The following AFAP1 variants were observed in gnomAD, a reference collection of about 807,000 sequenced individuals.
AFAP1 encodes actin filament-associated protein 1.
In AFAP1, 75 loss-of-function variants were observed where a neutral mutation model predicts 93.9. The ratio of observed to expected loss-of-function variants is 0.80; its 90% CI spans 0.66 to 0.97. The LOEUF is 0.97. Among genes scored for constraint, AFAP1 ranks in the 50% least tolerant of loss-of-function variants. The pLI is 0.00. For synonymous variants in AFAP1, 517 were observed against 430.7 expected (o/e 1.20, Z -2.48); for missense variants, 1,201 against 1,050.8 (o/e 1.14, Z -1.98).
intron 16 of AFAP1, 21 bp downstream of exon 16, chr4:7,772,799 G>A (rs755195094): frequency 1.9e-6 from 3 of 1,608,670 alleles, no homozygotes; most frequent in Admixed American, 1.7e-5. Context: ...AGCCTCCGAG[G>A]TGAGCCAGAA....
At chr4:7,850,341 C>A (rs1714293358) in intron 4 of AFAP1, among the ~76,000 whole-genome samples, 2 of 152,164 alleles carry the variant, frequency 1.3e-5, no homozygotes, top group South Asian at 4.1e-4. Context: ...TCTCCAAACA[C>A]CAGCAGCATT....
chr4:7,778,340 T>TCCAACCGCA, intron 14 of AFAP1: 1 of 267,274 alleles, frequency 3.7e-6, no homozygotes, highest in Non-Finnish European at 7.3e-6. Context: ...CCTCAGCTAT[T>TCCAACCGCA]CCAACCGCAC....
At chr4:7,783,811 G>A (rs929612349) in intron 12 of AFAP1, among the ~76,000 whole-genome samples, 13 of 152,238 alleles carry the variant, frequency 8.5e-5, no homozygotes, top group South Asian at 2.1e-4. Flanking sequence ...TCACAGGTTC[G>A]TGTGTAAGGC....
intron 11 of AFAP1, among the ~76,000 whole-genome samples, chr4:7,793,451 T>G (rs916188837): frequency 6.6e-6 from 1 of 152,202 alleles, no homozygotes; most frequent in African/African-American, 2.4e-5. Context: ...CCAAAAATAT[T>G]TACTATCTAA....
chr4:7,870,644 G>A (rs1716941622), intron 2 of AFAP1, among the ~76,000 whole-genome samples: 1 of 152,044 alleles, frequency 6.6e-6, no homozygotes, highest in Non-Finnish European at 1.5e-5. Flanking sequence ...GTGACACAGT[G>A]AGACCCTGTC....
At chr4:7,766,153 C>T (rs1486746620) in intron 17 of AFAP1, among the ~76,000 whole-genome samples, 2 of 152,226 alleles carry the variant, frequency 1.3e-5, no homozygotes, top group South Asian at 2.1e-4. Flanking sequence ...ATGCCGACAA[C>T]ACTATGCTGA....
chr4:7,793,881 C>T, intron 10 of AFAP1, 55 bp from the exon 11 acceptor site: 1 of 1,437,676 alleles, frequency 7.0e-7, no homozygotes, highest in Non-Finnish European at 9.3e-7. Flanking sequence ...TTTACATTTT[C>T]ATAAATGTGT....
At chr4:7,778,036 G>A (rs1716331626) in intron 14 of AFAP1, 1 of 153,172 alleles carries the variant, frequency 6.5e-6, no homozygotes, top group African/African-American at 2.4e-5. Flanking sequence ...AGTGTCTCAT[G>A]TCTTAATGCT....
At chr4:7,845,661 C>T (rs186663362) in intron 4 of AFAP1, among the ~76,000 whole-genome samples, 5 of 152,170 alleles carry the variant, frequency 3.3e-5, no homozygotes, top group Admixed American at 6.5e-5. Context: ...CATCACCCTC[C>T]GCCCACAGGT....
At chr4:7,877,752 C>A (rs931482951) in intron 1 of AFAP1, among the ~76,000 whole-genome samples, 1 of 152,164 alleles carries the variant, frequency 6.6e-6, no homozygotes, top group Non-Finnish European at 1.5e-5. Context: ...AGACGTTATA[C>A]CCATTTTGTA....
chr4:7,860,664 G>A (rs1229110783), intron 3 of AFAP1, among the ~76,000 whole-genome samples: 1 of 152,156 alleles, frequency 6.6e-6, no homozygotes, highest in African/African-American at 2.4e-5. Context: ...AGTGGGCACG[G>A]CCTGCTGACC....
intron 6 of AFAP1, among the ~76,000 whole-genome samples, chr4:7,819,545 A>G (rs1395703262): frequency 6.6e-6 from 1 of 152,182 alleles, no homozygotes; most frequent in Non-Finnish European, 1.5e-5. Context: ...ACTTTAGATC[A>G]AGAGACCAGG....
At chr4:7,934,567 C>T (rs1015164376) in intron 1 of AFAP1, among the ~76,000 whole-genome samples, 1 of 151,738 alleles carries the variant, frequency 6.6e-6, no homozygotes, top group African/African-American at 2.4e-5. Context: ...TCTGGGATAT[C>T]AGGGGCACTC....
At chr4:7,873,124 T>A (rs1385290636) in intron 1 of AFAP1, among the ~76,000 whole-genome samples, 3 of 147,650 alleles carry the variant, frequency 2.0e-5, no homozygotes, top group African/African-American at 7.5e-5. Flanking sequence ...GTGCCTGTAA[T>A]CCCAGCTACT....
At position 7,783,023 on chromosome 4, in the gene AFAP1, C is replaced by G. The variant is rs78108901; in HGVS notation, c.1531-1396G>C. On this transcript the variant is annotated intron_variant, in intron 12 of 17. Transcript: ENST00000420658. The stretch of plus-strand genomic sequence containing the variant: ...ACCTACAGAGACCTCACAGAAGTTT[C>G]TAGTTTAAAGTATGTGAGTGTGCAC... Among the ~76,000 whole-genome samples, 1,335 of 152,302 alleles carry G rather than the reference C, an allele frequency of 8.8e-3. 12 individuals are homozygous for G. Among genetic ancestry groups the G allele is most frequent in the African/African-American group, 0.03 (1,243 of 41,560 alleles).
rs745594681 is a variant in AFAP1, at chr4:7,763,726, G to C, written c.*39C>G. ...ACACAGATGAGGATACAGGCAAGGG[G>C]GTGTGCAGTCTCTGAGGCTGGAGTG... On this transcript the variant is annotated 3_prime_UTR_variant, in exon 18 of 18. Coordinates refer to ENST00000420658, the MANE Select transcript of AFAP1 (RefSeq NM_001134647.2). 2 of 1,551,306 alleles carry C rather than the reference G, an allele frequency of 1.3e-6. No homozygotes were observed. The highest frequency in any genetic ancestry group is 2.4e-5 in the South Asian group (2 of 84,036).
At chr4:7,807,779 G>A (rs1002575573) in intron 9 of AFAP1, among the ~76,000 whole-genome samples, 1 of 152,198 alleles carries the variant, frequency 6.6e-6, no homozygotes, top group African/African-American at 2.4e-5. Flanking sequence ...CACTGTGAAA[G>A]CTGCCGAGGA....
chr4:7,798,030 CAAAACA>C (rs1718607344), intron 10 of AFAP1, among the ~76,000 whole-genome samples: 2 of 152,170 alleles, frequency 1.3e-5, no homozygotes, highest in African/African-American at 4.8e-5. Flanking sequence ...GAAATTATCT[CAAAACA>C]AAAGTTAAAA....
intron 4 of AFAP1, among the ~76,000 whole-genome samples, chr4:7,848,233 T>TGGAGGGAGGAAG (rs1560197272): frequency 3.0e-5 from 1 of 33,720 alleles, no homozygotes; most frequent in Non-Finnish European, 5.7e-5. Context: ...GAGGGACGGA[T>TGGAGGGAGGAAG]GGAGGGAGGA....
Sources: gnomAD v4.1 joint callset for allele counts (sites outside exome capture counted in the v4.1 genomes callset) on GRCh38, gnomAD v4.1.1 for gene constraint, MANE v1.5 for transcripts, NCBI Gene and HGNC (gene_info 2026-07-23, HGNC 2026-07-21) for gene names.